The following KCNQ3 variants were observed in gnomAD, a reference collection of about 807,000 sequenced individuals.
KCNQ3 encodes potassium voltage-gated channel subfamily KQT member 3.
In KCNQ3, 30 loss-of-function variants were observed where a neutral mutation model predicts 92.5. The observed-to-expected ratio is 0.32, with a 90% CI of 0.24 to 0.44. The LOEUF is 0.44. KCNQ3 is among the 20% of genes least tolerant of loss of function. KCNQ3 has a pLI of 1.00. For synonymous variants in KCNQ3, 450 were observed against 468.8 expected, an observed-to-expected ratio of 0.96 and a Z score of 0.52; for missense variants, 913 against 1,140.3, an observed-to-expected ratio of 0.80 and a Z score of 2.87.
intron 1 of KCNQ3, among the ~76,000 whole-genome samples, chr8:132,265,469 C>A (rs1815950832): frequency 6.6e-6 from 1 of 152,238 alleles, no homozygotes. Context: ...ATTCACAGAA[C>A]CCACTGCTTC....
At chr8:132,169,133 G>A (rs1008161660) in intron 8 of KCNQ3, among the ~76,000 whole-genome samples, 12 of 152,196 alleles carry the variant, frequency 7.9e-5, no homozygotes, top group Non-Finnish European at 1.3e-4. Context: ...TAGCTTCTCT[G>A]AAAGTAGCCT....
At chr8:132,386,600 A>G (rs900403163) in intron 1 of KCNQ3, among the ~76,000 whole-genome samples, 3 of 152,156 alleles carry the variant, frequency 2.0e-5, no homozygotes, top group African/African-American at 7.2e-5. Context: ...ATTAAGTAAG[A>G]TATTTCCTAT....
chr8:132,205,675 T>C (rs1015636143), intron 1 of KCNQ3, among the ~76,000 whole-genome samples: 1 of 152,176 alleles, frequency 6.6e-6, no homozygotes, highest in Non-Finnish European at 1.5e-5. Flanking sequence ...CCTCCTTATT[T>C]GTAAGTTGGT....
intron 1 of KCNQ3, among the ~76,000 whole-genome samples, chr8:132,209,544 A>G (rs7000042): frequency 7.4e-6 from 1 of 135,378 alleles, no homozygotes; most frequent in African/African-American, 2.7e-5. Context: ...CACACACACA[A>G]ACACACACAC....
chr8:132,444,471 G>A (rs536595580), intron 1 of KCNQ3, among the ~76,000 whole-genome samples: 1 of 152,368 alleles, frequency 6.6e-6, no homozygotes, highest in South Asian at 2.1e-4. Flanking sequence ...ACAGCATGGT[G>A]TGGAGGACAG....
intron 1 of KCNQ3, among the ~76,000 whole-genome samples, chr8:132,451,129 C>G (rs1344454537): frequency 1.3e-5 from 2 of 152,156 alleles, no homozygotes; most frequent in African/African-American, 2.4e-5. Flanking sequence ...GTGGGTTTAT[C>G]TTGTGCTTTC....
chr8:132,273,244 C>CA (rs1816215902), intron 1 of KCNQ3, among the ~76,000 whole-genome samples: 1 of 152,234 alleles, frequency 6.6e-6, no homozygotes, highest in African/African-American at 2.4e-5. Context: ...CCTCTGAAAT[C>CA]TAAGTGGAGG....
chr8:132,384,995 TC>T, intron 1 of KCNQ3, among the ~76,000 whole-genome samples: 1 of 152,188 alleles, frequency 6.6e-6, no homozygotes, highest in Non-Finnish European at 1.5e-5. Context: ...AAGATGACCC[TC>T]ATCAGGGTGC....
At chr8:132,448,493 G>A (rs557919888) in intron 1 of KCNQ3, among the ~76,000 whole-genome samples, 108 of 95,538 alleles carry the variant, frequency 1.1e-3, no homozygotes, top group Middle Eastern at 6.5e-3. Context: ...GGGGAAGAAG[G>A]AGAAATATGA....
At chr8:132,443,906 C>A (rs1200626864) in intron 1 of KCNQ3, among the ~76,000 whole-genome samples, 1 of 152,120 alleles carries the variant, frequency 6.6e-6, no homozygotes, top group African/African-American at 2.4e-5. Context: ...CAGCTAAGGG[C>A]CAAGCATTGT....
At chr8:132,199,701 G>A (rs1406817145) in intron 1 of KCNQ3, among the ~76,000 whole-genome samples, 1 of 152,190 alleles carries the variant, frequency 6.6e-6, no homozygotes, top group Non-Finnish European at 1.5e-5. Flanking sequence ...CCTGAGGTCA[G>A]GAGTTCGACA....
chr8:132,268,400 G>T (rs1467533553), intron 1 of KCNQ3, among the ~76,000 whole-genome samples: 1 of 152,064 alleles, frequency 6.6e-6, no homozygotes, highest in Non-Finnish European at 1.5e-5. Context: ...GAGTAACTGG[G>T]AGCATGTGTC....
rs1586801238 is a variant in KCNQ3, at chr8:132,175,523, T to G, written c.863A>C (p.Glu288Ala). ...CATCTCCTCTCCTTGTGCATCCACCTCTGGGACGTCTTTCTCAACCAGGTA... is the reference window on the plus strand; with the variant it reads ...CATCTCCTCTCCTTGTGCATCCACCGCTGGGACGTCTTTCTCAACCAGGTA... Reference protein sequence around the residue: ...LVYLVEKDVPEVDAQGEEMKE... With the variant: ...LVYLVEKDVPAVDAQGEEMKE... The change falls in exon 5 of 15, where the codon GAG becomes GCG. Residue 288 changes from glutamate to alanine, a missense_variant. Coordinates refer to ENST00000388996, the MANE Select transcript of KCNQ3 (RefSeq NM_004519.4). 6.2e-7 allele frequency: 1 copy of G among 1,614,170 alleles called. No homozygotes were observed. The highest frequency in any genetic ancestry group is 8.5e-7 in the Non-Finnish European group (1 of 1,180,000).
At chr8:132,161,399 C>T (rs765909936) in intron 9 of KCNQ3, among the ~76,000 whole-genome samples, 4 of 152,228 alleles carry the variant, frequency 2.6e-5, no homozygotes, top group Admixed American at 1.3e-4. Flanking sequence ...GAGACCAAGA[C>T]GGGCGGATCA....
intron 1 of KCNQ3, among the ~76,000 whole-genome samples, chr8:132,371,760 T>A (rs1357594338): frequency 6.6e-6 from 1 of 152,164 alleles, no homozygotes; most frequent in Non-Finnish European, 1.5e-5. Context: ...ACAGGCTGCA[T>A]CCTCCCAAGC....
intron 1 of KCNQ3, among the ~76,000 whole-genome samples, chr8:132,407,400 G>C (rs984847341): frequency 2.0e-5 from 3 of 152,218 alleles, no homozygotes; most frequent in African/African-American, 4.8e-5. Context: ...GGAAAGTAGG[G>C]GCTTACAGCC....
chr8:132,296,842 A>G (rs868653832), intron 1 of KCNQ3, among the ~76,000 whole-genome samples: 50 of 152,054 alleles, frequency 3.3e-4, no homozygotes, highest in Middle Eastern at 3.4e-3. Context: ...TAGTGCCGCA[A>G]TAAACATACG....
chr8:132,157,806 G>T (rs1233957751), intron 9 of KCNQ3, among the ~76,000 whole-genome samples: 1 of 151,794 alleles, frequency 6.6e-6, no homozygotes, highest in Non-Finnish European at 1.5e-5. Flanking sequence ...TTAGGTATTT[G>T]CCCTAATGCT....
At chr8:132,419,305 C>G (rs930314282) in intron 1 of KCNQ3, among the ~76,000 whole-genome samples, 1 of 152,204 alleles carries the variant, frequency 6.6e-6, no homozygotes, top group Non-Finnish European at 1.5e-5. Context: ...GACCATTTGT[C>G]TGGATTTCTG....
Sources: allele counts gnomAD v4.1 joint callset (sites outside exome capture counted in the v4.1 genomes callset), GRCh38; gene constraint gnomAD v4.1.1; transcripts MANE v1.5; gene names NCBI Gene and HGNC (gene_info 2026-07-23, HGNC 2026-07-21).